BACH2: variants seen among roughly 807,000 people sequenced by gnomAD.
The protein encoded by BACH2 is transcription regulator protein BACH2.
BACH2 carries 5 observed loss-of-function variants against 61.8 expected under a neutral mutation model. That is an observed-to-expected ratio of 0.08 (90% CI 0.04 to 0.17). The LOEUF (loss-of-function observed/expected upper bound fraction) is 0.17, where lower values mean the gene tolerates loss of function less well. Ranked by LOEUF, BACH2 falls within the 10% of genes least tolerant of loss-of-function variation. The pLI, the probability that BACH2 is intolerant of heterozygous loss-of-function variation, is 1.00. For synonymous variants in BACH2, 446 were observed against 440.1 expected (o/e 1.01, Z -0.17); for missense variants, 824 against 1,091.1 (o/e 0.76, Z 3.45).
chr6:90,069,071 T>G (rs1162964952), intron 5 of BACH2, among the ~76,000 whole-genome samples: 1 of 152,172 alleles, frequency 6.6e-6, no homozygotes, highest in Non-Finnish European at 1.5e-5. Flanking sequence ...GAACTAGATC[T>G]CATAAGGATT....
chr6:90,138,148 T>C lies in BACH2; in HGVS notation c.-161-49039A>G, dbSNP rs1582408925. 2.6e-5 allele frequency among the ~76,000 whole-genome samples: 4 copies of C among 152,218 alleles called. No homozygotes were observed. In the East Asian group the frequency reaches 7.7e-4, roughly 29 times the overall value. On this transcript the variant is annotated intron_variant, in intron 4 of 8. Coordinates refer to ENST00000257749, the MANE Select transcript of BACH2 (RefSeq NM_021813.4). ...CTCATAACCAAAGGCTCATTCTAGA[T>C]TTAATCAAAGATACAAATGGGAGAA... is the stretch of plus-strand genomic sequence containing the variant.
At chr6:90,239,798 TACAC>T (rs59169449) in intron 3 of BACH2, among the ~76,000 whole-genome samples, 27,166 of 131,956 alleles carry the variant, frequency 0.21, 2,629 homozygotes, top group Middle Eastern at 0.24. Context: ...GGGGGGGGAA[TACAC>T]ACACACACAC....
chr6:90,268,339 AG>A (rs949621328), intron 2 of BACH2, among the ~76,000 whole-genome samples: 1 of 152,158 alleles, frequency 6.6e-6, no homozygotes, highest in African/African-American at 2.4e-5. Flanking sequence ...AGAAATGTGA[AG>A]GGGACAGTCC....
In BACH2 at chr6:90,279,662, G is replaced by C. The variant is rs191280735; in HGVS notation, c.-445-7721C>G. Among the ~76,000 whole-genome samples, 291 of 152,086 alleles carry C rather than the reference G, an allele frequency of 1.9e-3. 8 individuals carry two copies. The South Asian group carries it at 0.034, about 18-fold the overall frequency. Reference sequence around the variant, plus strand: ...TGGTCCTATATACCAAAAGAACACAGACCTGGTAACACACGCTTAAATCAA... The same window carrying C: ...TGGTCCTATATACCAAAAGAACACACACCTGGTAACACACGCTTAAATCAA... On this transcript the variant is annotated intron_variant, in intron 1 of 8. Transcript: ENST00000257749.
At chr6:90,057,125 A>G (rs747830250) in intron 5 of BACH2, among the ~76,000 whole-genome samples, 46 of 152,208 alleles carry the variant, frequency 3.0e-4, no homozygotes, top group Non-Finnish European at 5.6e-4. Flanking sequence ...CCGAGATCAG[A>G]GCAGAACTGA....
chr6:90,251,585 T>C (rs528378174), intron 3 of BACH2, among the ~76,000 whole-genome samples: 2 of 96,410 alleles, frequency 2.1e-5, no homozygotes, highest in Middle Eastern at 6.5e-3. Context: ...GAGAGAACCC[T>C]TTTGCTTTCA....
At chr6:89,963,819 C>A (rs12213197) in intron 6 of BACH2, among the ~76,000 whole-genome samples, 57,135 of 152,056 alleles carry the variant, frequency 0.38, 10,929 homozygotes, top group South Asian at 0.44. Flanking sequence ...AATTTCCATT[C>A]ATGAGTGACT....
intron 3 of BACH2, among the ~76,000 whole-genome samples, chr6:90,209,036 T>C (rs1466524969): frequency 3.7e-5 from 4 of 107,034 alleles, no homozygotes; most frequent in Admixed American, 2.9e-4. Flanking sequence ...GGGAACATCA[T>C]ACACCAGGGC....
At chr6:90,123,037 C>A (rs1418854150) in intron 4 of BACH2, among the ~76,000 whole-genome samples, 1 of 152,132 alleles carries the variant, frequency 6.6e-6, no homozygotes, top group Non-Finnish European at 1.5e-5. Flanking sequence ...ATACAGGTGT[C>A]CTAACTTCTA....
At chr6:90,188,108 C>T (rs142285744) in intron 4 of BACH2, among the ~76,000 whole-genome samples, 1 of 152,364 alleles carries the variant, frequency 6.6e-6, no homozygotes, top group East Asian at 1.9e-4. Flanking sequence ...TAATCAGGAA[C>T]ATCCCTAAAA....
chr6:90,254,368 ATAT>A (rs1179284898), intron 2 of BACH2, among the ~76,000 whole-genome samples: 9 of 152,106 alleles, frequency 5.9e-5, no homozygotes, highest in African/African-American at 2.2e-4. Context: ...TAAAATGGGT[ATAT>A]TAAAGCATCC....
intron 3 of BACH2, among the ~76,000 whole-genome samples, chr6:90,212,346 C>T (rs1313122634): frequency 1.3e-5 from 2 of 152,164 alleles, no homozygotes; most frequent in Non-Finnish European, 2.9e-5. Flanking sequence ...AAGTGGCTGG[C>T]TCATTCCCTG....
intron 3 of BACH2, among the ~76,000 whole-genome samples, chr6:90,252,237 C>A (rs1380367943): frequency 6.6e-6 from 1 of 152,132 alleles, no homozygotes; most frequent in Admixed American, 6.5e-5. Context: ...TTCCCTCCAG[C>A]CAAATCTGAT....
In BACH2 at chr6:90,289,643, A is replaced by C. The variant is rs543658504; in HGVS notation, c.-446+6837T>G. Among the ~76,000 whole-genome samples the C allele has an allele frequency of 2.6e-5, 4 of 152,372 alleles. No individual in the cohort carries two copies. In the East Asian group the frequency reaches 7.7e-4, roughly 29 times the overall value. The stretch of plus-strand genomic sequence containing the variant: ...ACACTAATGATACATGATGAGCTGA[A>C]ACAAGAAAAATAGCAAAAAACAAAA... On this transcript the variant is annotated intron_variant, in intron 1 of 8. Transcript: ENST00000257749.
intron 1 of BACH2, among the ~76,000 whole-genome samples, chr6:90,295,992 A>C (rs2127897190): frequency 6.6e-6 from 1 of 152,092 alleles, no homozygotes. Context: ...CCGAGGGTTA[A>C]GGAGGAGGCC....
chr6:90,014,929 C>G (rs1380728850), intron 5 of BACH2, among the ~76,000 whole-genome samples: 1 of 149,958 alleles, frequency 6.7e-6, no homozygotes, highest in East Asian at 2.0e-4. Context: ...ATAGGCCGTG[C>G]CACCATGTTC....
chr6:90,192,686 A>G lies in BACH2; in HGVS notation c.-162+13883T>C, dbSNP rs115949396. 5.9e-3 allele frequency among the ~76,000 whole-genome samples: 906 copies of G among 152,364 alleles called. 6 individuals carry two copies. The highest frequency in any genetic ancestry group is 0.02 in the Middle Eastern group (6 of 294). ...CAAGCTAAGTTTTTGGCTAAGAGTTAAACTTCATTCATTTGGATTTCACTA... is the reference window on the plus strand; with the variant it reads ...CAAGCTAAGTTTTTGGCTAAGAGTTGAACTTCATTCATTTGGATTTCACTA... On this transcript the variant is annotated intron_variant, in intron 4 of 8. Coordinates refer to ENST00000257749, the MANE Select transcript of BACH2 (RefSeq NM_021813.4).
chr6:89,986,527 T>C (rs566540359), intron 6 of BACH2, among the ~76,000 whole-genome samples: 6 of 152,328 alleles, frequency 3.9e-5, no homozygotes, highest in Non-Finnish European at 5.9e-5. Flanking sequence ...AGTTTTCTTT[T>C]AATTTTTATA....
chr6:89,984,219 T>C (rs779198961), intron 6 of BACH2, among the ~76,000 whole-genome samples: 5 of 152,126 alleles, frequency 3.3e-5, no homozygotes, highest in Non-Finnish European at 7.4e-5. Flanking sequence ...GGAGAATATC[T>C]ACAATTACAA....
Sources: gnomAD v4.1 joint callset for allele counts (sites outside exome capture counted in the v4.1 genomes callset) on GRCh38, gnomAD v4.1.1 for gene constraint, MANE v1.5 for transcripts, NCBI Gene and HGNC (gene_info 2026-07-23, HGNC 2026-07-21) for gene names.